The following GPHN variants were observed in gnomAD, a reference collection of about 807,000 sequenced individuals.
The protein encoded by GPHN is gephyrin.
In GPHN, 17 loss-of-function variants were observed where a neutral mutation model predicts 95.5. That is an observed-to-expected ratio of 0.18 (90% CI 0.12 to 0.27). The LOEUF (loss-of-function observed/expected upper bound fraction) is 0.27. Among genes scored for constraint, GPHN ranks in the 10% least tolerant of loss-of-function variants. The probability of loss-of-function intolerance (pLI) is 1.00; values close to 1 mark genes in which losing one functional copy is unlikely to be tolerated. For missense variants in GPHN, 660 were observed against 978.1 expected, an observed-to-expected ratio of 0.67 and a Z score of 4.34; for synonymous variants, 320 against 322.5, an observed-to-expected ratio of 0.99 and a Z score of 0.08.
chr14:67,647,116 T>A, the GPHN span: 1 of 849,422 alleles, frequency 1.2e-6, no homozygotes, highest in Admixed American at 2.3e-5. Flanking sequence ...ACTTTTAAAA[T>A]ACAAAGCAAA....
At chr14:67,198,455 G>A in the GPHN span, 6 of 841,240 alleles carry the variant, frequency 7.1e-6, no homozygotes, top group Non-Finnish European at 1.1e-5. Context: ...GAACAGTTTG[G>A]GAACTTTAAA....
intron 12 of GPHN, among the ~76,000 whole-genome samples, chr14:67,099,110 C>CTTTT (rs1200580490): frequency 7.2e-6 from 1 of 138,992 alleles, no homozygotes; most frequent in Admixed American, 7.2e-5. Flanking sequence ...GTTGTAAAAA[C>CTTTT]TTTTTTTTTT....
intron 1 of GPHN, among the ~76,000 whole-genome samples, chr14:66,544,055 C>T (rs1407514893): frequency 6.6e-6 from 1 of 152,170 alleles, no homozygotes; most frequent in Non-Finnish European, 1.5e-5. Context: ...TTCTGTGTTA[C>T]CTTTCTACTT....
the GPHN span, among the ~76,000 whole-genome samples, chr14:67,619,518 C>T: frequency 3.3e-5 from 5 of 152,220 alleles, no homozygotes; most frequent in Non-Finnish European, 7.3e-5. Flanking sequence ...CAGGGCCAGA[C>T]CAGGCCCGAC....
chr14:66,601,293 G>C (rs1345137200), intron 1 of GPHN, among the ~76,000 whole-genome samples: 1 of 152,036 alleles, frequency 6.6e-6, no homozygotes, highest in Non-Finnish European at 1.5e-5. Context: ...TATTCAGAGG[G>C]AAGATTATTT....
At chr14:67,407,557 C>T in the GPHN span, among the ~76,000 whole-genome samples, 1 of 152,020 alleles carries the variant, frequency 6.6e-6, no homozygotes, top group East Asian at 1.9e-4. Flanking sequence ...TCTCCCATCT[C>T]AGCCTCCCAA....
intron 8 of GPHN, among the ~76,000 whole-genome samples, chr14:66,942,645 G>T (rs996418521): frequency 6.6e-6 from 1 of 152,064 alleles, no homozygotes; most frequent in Non-Finnish European, 1.5e-5. Flanking sequence ...TAGAATTTTT[G>T]AAATTTCCTA....
At chr14:67,082,399 C>A (rs117729757) in intron 11 of GPHN, among the ~76,000 whole-genome samples, 2,928 of 152,166 alleles carry the variant, frequency 0.019, 38 homozygotes, top group Middle Eastern at 0.034. Context: ...TGTCCTTTCC[C>A]CATTGAGTGG....
intron 5 of GPHN, among the ~76,000 whole-genome samples, chr14:66,888,330 A>G (rs551510806): frequency 4.6e-5 from 7 of 152,280 alleles, no homozygotes; most frequent in Admixed American, 2.6e-4. Context: ...AAAACTCCCT[A>G]TCTATAGAGG....
At chr14:67,569,924 C>T in the GPHN span, 1 of 1,603,874 alleles carries the variant, frequency 6.2e-7, no homozygotes. Flanking sequence ...TGCTCAGCTT[C>T]AAGCCCTCCT....
At chr14:66,530,806 C>T (rs1410115028) in intron 1 of GPHN, among the ~76,000 whole-genome samples, 2 of 152,008 alleles carry the variant, frequency 1.3e-5, no homozygotes, top group Non-Finnish European at 2.9e-5. Flanking sequence ...CTAACCAGTC[C>T]CAATGAGATG....
chr14:67,489,912 C>G, the GPHN span, among the ~76,000 whole-genome samples: 1 of 152,062 alleles, frequency 6.6e-6, no homozygotes, highest in Admixed American at 6.5e-5. Flanking sequence ...ATGGCGTGAA[C>G]CTGGGAGGCA....
At chr14:67,064,362 G>A (rs1373631122) in intron 11 of GPHN, among the ~76,000 whole-genome samples, 7 of 152,208 alleles carry the variant, frequency 4.6e-5, no homozygotes, top group South Asian at 2.1e-4. Flanking sequence ...TTTTTGCATC[G>A]ATGTTCTTCA....
At chr14:67,193,936 C>T in the GPHN span, among the ~76,000 whole-genome samples, 1 of 91,266 alleles carries the variant, frequency 1.1e-5, no homozygotes, top group African/African-American at 7.4e-5. Flanking sequence ...CAGAGCAAGA[C>T]CCTGTCTCAA....
intron 18 of GPHN, among the ~76,000 whole-genome samples, chr14:67,154,051 C>G (rs2081439856): frequency 6.6e-6 from 1 of 152,212 alleles, no homozygotes; most frequent in African/African-American, 2.4e-5. Flanking sequence ...ATATAAGCAT[C>G]TGCTTTCCAA....
the GPHN span, among the ~76,000 whole-genome samples, chr14:67,242,159 A>G: frequency 6.6e-6 from 1 of 152,210 alleles, no homozygotes; most frequent in Non-Finnish European, 1.5e-5. Flanking sequence ...GCTTTAAACG[A>G]TCTTTGTAGT....
intron 5 of GPHN, among the ~76,000 whole-genome samples, chr14:66,902,660 A>G (rs906672445): frequency 3.9e-5 from 6 of 152,080 alleles, no homozygotes; most frequent in Non-Finnish European, 7.4e-5. Context: ...TTAATGTAGC[A>G]TATCACATTT....
intron 21 of GPHN, among the ~76,000 whole-genome samples, chr14:67,170,728 T>C (rs2140081566): frequency 6.6e-6 from 1 of 152,386 alleles, no homozygotes; most frequent in Middle Eastern, 3.4e-3. Context: ...TCACTGGGAC[T>C]GCCAGTATGG....
chr14:67,355,915 G>C, the GPHN span, among the ~76,000 whole-genome samples: 1 of 152,068 alleles, frequency 6.6e-6, no homozygotes, highest in Non-Finnish European at 1.5e-5. Flanking sequence ...TGAGAGGACT[G>C]ATTGAGCCCA....
Sources: allele counts gnomAD v4.1 joint callset (sites outside exome capture counted in the v4.1 genomes callset), GRCh38; gene constraint gnomAD v4.1.1; transcripts MANE v1.5; gene names NCBI Gene and HGNC (gene_info 2026-07-23, HGNC 2026-07-21).